The following CCDC181 variants were observed in gnomAD, a reference collection of about 807,000 sequenced individuals.
CCDC181 encodes the protein coiled-coil domain-containing protein 181.
A neutral mutation model predicts 58.7 loss-of-function variants in CCDC181; 35 were observed. That is an observed-to-expected ratio of 0.60 (90% confidence interval 0.46 to 0.79). The LOEUF is 0.79. CCDC181 is among the 30% of genes least tolerant of loss of function. The pLI is 0.00. For missense variants in CCDC181, 517 were observed against 583.9 expected (o/e 0.89, Z 1.18); for synonymous variants, 183 against 197.5 (o/e 0.93, Z 0.62).
chr1:169,432,844 A>T (rs975398425), intron 2 of CCDC181, among the ~76,000 whole-genome samples: 5 of 152,172 alleles, frequency 3.3e-5, no homozygotes, highest in Non-Finnish European at 5.9e-5. Context: ...TACTGCCTCA[A>T]CTTAATAAAA....
intron 2 of CCDC181, among the ~76,000 whole-genome samples, chr1:169,458,184 T>G (rs200929791): frequency 0.018 from 2,646 of 147,394 alleles, 53 homozygotes; most frequent in Non-Finnish European, 0.028. Context: ...TGTTTTTTTT[T>G]TTTTGTTTTG....
chr1:169,418,050 C>T (rs547569515), intron 4 of CCDC181, among the ~76,000 whole-genome samples: 2 of 152,306 alleles, frequency 1.3e-5, no homozygotes, highest in South Asian at 4.1e-4. Context: ...TTTACTCTCA[C>T]ACACTGTTGG....
At chr1:169,438,108 T>C (rs1266995360) in intron 2 of CCDC181, among the ~76,000 whole-genome samples, 1 of 152,126 alleles carries the variant, frequency 6.6e-6, no homozygotes, top group Non-Finnish European at 1.5e-5. Flanking sequence ...CCATGTTCTA[T>C]CCTGTGATAT....
chr1:169,415,008 A>AT (rs1412482669), intron 4 of CCDC181, among the ~76,000 whole-genome samples: 2 of 152,346 alleles, frequency 1.3e-5, no homozygotes, highest in South Asian at 2.1e-4. Flanking sequence ...TCAAAGGGAA[A>AT]TATATAACCA....
intron 4 of CCDC181, among the ~76,000 whole-genome samples, chr1:169,413,926 G>T (rs1057155314): frequency 7.2e-5 from 11 of 151,984 alleles, no homozygotes; most frequent in Non-Finnish European, 1.6e-4. Context: ...GTAGATGACG[G>T]GTTGATGGGT....
intron 4 of CCDC181, among the ~76,000 whole-genome samples, chr1:169,418,112 C>A (rs536745891): frequency 1.3e-5 from 2 of 152,256 alleles, no homozygotes; most frequent in African/African-American, 4.8e-5. Context: ...GCATCTTTAA[C>A]GAAACATTTC....
chr1:169,446,606 A>G (rs952526182), intron 2 of CCDC181, among the ~76,000 whole-genome samples: 1 of 152,210 alleles, frequency 6.6e-6, no homozygotes, highest in Non-Finnish European at 1.5e-5. Flanking sequence ...CAGGTCAAAA[A>G]TGTTTGAAAA....
chr1:169,446,976 CAT>C (rs199637676), intron 2 of CCDC181, among the ~76,000 whole-genome samples: 3,293 of 152,222 alleles, frequency 0.022, 123 homozygotes, highest in African/African-American at 0.075. Context: ...GACTTTGACA[CAT>C]GTTATTTAGA....
chr1:169,421,230 CA>C (rs756890216), intron 3 of CCDC181, 132 bp downstream of exon 3: 12 of 681,864 alleles, frequency 1.8e-5, no homozygotes, highest in Non-Finnish European at 2.4e-5. Context: ...AACACTTAAT[CA>C]ATCTAACAAT....
At chr1:169,454,811 A>G (rs925623062) in intron 2 of CCDC181, among the ~76,000 whole-genome samples, 9 of 152,114 alleles carry the variant, frequency 5.9e-5, no homozygotes, top group African/African-American at 2.2e-4. Flanking sequence ...AACCACTATC[A>G]CAAATTTTAA....
intron 2 of CCDC181, among the ~76,000 whole-genome samples, chr1:169,449,182 GT>G (rs1657463754): frequency 6.6e-6 from 1 of 152,088 alleles, no homozygotes; most frequent in South Asian, 2.1e-4. Flanking sequence ...TCTTCAGACT[GT>G]TTTTGTTTGT....
At chr1:169,404,378 T>C (rs1332936246) in intron 4 of CCDC181, among the ~76,000 whole-genome samples, 3 of 152,104 alleles carry the variant, frequency 2.0e-5, no homozygotes, top group Non-Finnish European at 2.9e-5. Flanking sequence ...TTTTGACCAA[T>C]ACCCCTGATG....
intron 2 of CCDC181, among the ~76,000 whole-genome samples, chr1:169,423,354 T>C (rs1181066963): frequency 6.6e-6 from 1 of 151,990 alleles, no homozygotes; most frequent in East Asian, 1.9e-4. Flanking sequence ...GACTCTTTTT[T>C]ATTTTTCCAA....
chr1:169,424,739 A>G, intron 2 of CCDC181, 72 bp downstream of exon 2: 1 of 833,614 alleles, frequency 1.2e-6, no homozygotes, highest in Non-Finnish European at 1.9e-6. Flanking sequence ...ATGAGATAAT[A>G]ATGTGAAAAC....
upstream of CCDC181, among the ~76,000 whole-genome samples, chr1:169,431,759 G>T (rs528005810): frequency 1.4e-4 from 22 of 152,256 alleles, no homozygotes; most frequent in East Asian, 2.3e-3. Context: ...TCAATGAGCA[G>T]TAAGGACCCT....
intron 4 of CCDC181, among the ~76,000 whole-genome samples, chr1:169,409,230 C>T (rs1319022989): frequency 6.6e-6 from 1 of 152,134 alleles, no homozygotes; most frequent in African/African-American, 2.4e-5. Flanking sequence ...AGCATGAGAA[C>T]TTCGTGAAAC....
chr1:169,442,996 ATATATGTGTC>A (rs959413035), intron 2 of CCDC181: 1 of 151,960 alleles, frequency 6.6e-6, no homozygotes, highest in African/African-American at 2.4e-5. Flanking sequence ...ATAGAGAGAC[ATATATGTGTC>A]TATATGTGTA....
rs1046379625 is a variant in CCDC181, at chr1:169,442,400, A to C, written c.-24+17397T>G. 2.6e-5 allele frequency among the ~76,000 whole-genome samples: 4 copies of C among 152,166 alleles called. No individual in the cohort carries two copies. In the South Asian group the frequency reaches 8.3e-4, roughly 32 times the overall value. ...AAACAATAATATGAAGCCATTAAAA[A>C]GTTTTGTGAGTTAAGTTTGAGCAAT... On this transcript the variant is annotated intron_variant, in intron 2 of 6. Coordinates refer to the CCDC181 transcript ENST00000545005.
At chr1:169,453,726 CTTTT>C (rs35290206) in intron 2 of CCDC181, among the ~76,000 whole-genome samples, 48 of 134,902 alleles carry the variant, frequency 3.6e-4, no homozygotes, top group Non-Finnish European at 5.0e-4. Flanking sequence ...ACACATAATT[CTTTT>C]TTTTTTTTTT....
Sources: allele counts gnomAD v4.1 joint callset (sites outside exome capture counted in the v4.1 genomes callset), GRCh38; gene constraint gnomAD v4.1.1; transcripts MANE v1.5; gene names NCBI Gene and HGNC (gene_info 2026-07-23, HGNC 2026-07-21).